The following EGFLAM variants were observed in gnomAD, a reference collection of about 807,000 sequenced individuals.
EGFLAM encodes the protein pikachurin.
In EGFLAM, 79 loss-of-function variants were observed where a neutral mutation model predicts 113.1. That is an observed-to-expected ratio of 0.70 (90% confidence interval 0.58 to 0.84). The LOEUF (loss-of-function observed/expected upper bound fraction) is 0.84, where lower values mean the gene tolerates loss of function less well. Among genes scored for constraint, EGFLAM ranks in the 40% least tolerant of loss-of-function variants. EGFLAM has a pLI of 0.00. For missense variants in EGFLAM, 1,265 were observed against 1,291.6 expected, an observed-to-expected ratio of 0.98 and a Z score of 0.32; for synonymous variants, 504 against 487.6, an observed-to-expected ratio of 1.03 and a Z score of -0.44.
rs1455881402 is a variant in EGFLAM at position 38,406,850 on chromosome 5, A to C, written c.851A>C (p.Lys284Thr). The change falls in exon 8 of 22, where the codon AAA becomes ACA. Residue 284 changes from lysine (K) to threonine (T), a missense_variant. By Grantham distance (78) the Lys-to-Thr change is moderately conservative. Transcript: ENST00000322350. ...FEEVKPLPAT[K>T]GGNKKFLVES... ...TAGGTTAAACCACTTCCTGCTACCA[A>C]AGGAGGGAATAAGAAATTTTTGGTG... The C allele has an allele frequency of 1.2e-6, 2 of 1,613,990 alleles. No individual in the cohort carries two copies. Among genetic ancestry groups the C allele is most frequent in the Non-Finnish European group, 1.7e-6 (2 of 1,179,888 alleles).
intron 6 of EGFLAM, among the ~76,000 whole-genome samples, chr5:38,375,955 C>T (rs1304242596): frequency 1.3e-5 from 2 of 152,182 alleles, no homozygotes; most frequent in Non-Finnish European, 2.9e-5. Context: ...CTGTCTTCTC[C>T]TGGGAGGCGT....
intron 1 of EGFLAM, among the ~76,000 whole-genome samples, chr5:38,336,978 T>TATAA (rs1305971822): frequency 3.9e-5 from 6 of 152,242 alleles, no homozygotes; most frequent in African/African-American, 1.4e-4. Flanking sequence ...ATTTGATGAT[T>TATAA]ATAAATCTTA....
chr5:38,358,442 G>A (rs376550867), intron 5 of EGFLAM, among the ~76,000 whole-genome samples: 1,406 of 64,322 alleles, frequency 0.022, 25 homozygotes, highest in African/African-American at 0.076. Flanking sequence ...GCAAGACTCC[G>A]TCTCAAAAAA....
chr5:38,302,598 C>T (rs1212769249), intron 1 of EGFLAM, among the ~76,000 whole-genome samples: 2 of 151,760 alleles, frequency 1.3e-5, no homozygotes, highest in African/African-American at 2.4e-5. Flanking sequence ...ACTTTATCTC[C>T]ATTTCTTGGG....
At chr5:38,459,421 T>G (rs1743200399) in intron 20 of EGFLAM, among the ~76,000 whole-genome samples, 1 of 152,184 alleles carries the variant, frequency 6.6e-6, no homozygotes, top group African/African-American at 2.4e-5. Flanking sequence ...CTGATTAACT[T>G]TGGATGAATC....
intron 6 of EGFLAM, chr5:38,403,580 A>C (rs902149722): frequency 9.6e-6 from 4 of 415,100 alleles, no homozygotes; most frequent in Non-Finnish European, 1.7e-5. Context: ...CAGGGAGCAT[A>C]TGGAGCACGG....
chr5:38,290,346 A>G (rs1758290717), intron 1 of EGFLAM, among the ~76,000 whole-genome samples: 1 of 152,176 alleles, frequency 6.6e-6, no homozygotes, highest in South Asian at 2.1e-4. Flanking sequence ...CTGCCCTGCC[A>G]CAGTAGCCAA....
chr5:38,259,964 G>A (rs932216051), intron 1 of EGFLAM, among the ~76,000 whole-genome samples: 3 of 152,100 alleles, frequency 2.0e-5, no homozygotes, highest in African/African-American at 7.2e-5. Context: ...GTTGCATTTC[G>A]GCTCTGGAAG....
intron 6 of EGFLAM, among the ~76,000 whole-genome samples, chr5:38,382,175 G>C (rs568384072): frequency 6.6e-6 from 1 of 152,118 alleles, no homozygotes; most frequent in Non-Finnish European, 1.5e-5. Context: ...TCTAAACTCA[G>C]CATCTAGGTA....
At chr5:38,373,318 C>T (rs780936357) in intron 6 of EGFLAM, among the ~76,000 whole-genome samples, 3 of 152,140 alleles carry the variant, frequency 2.0e-5, no homozygotes, top group South Asian at 2.1e-4. Context: ...AGCTGCTTCC[C>T]TGAGTGAGAT....
At chr5:38,462,030 A>C (rs567832249) in intron 20 of EGFLAM, among the ~76,000 whole-genome samples, 2 of 152,058 alleles carry the variant, frequency 1.3e-5, no homozygotes, top group South Asian at 2.1e-4. Flanking sequence ...TAGCCGGGCG[A>C]GGTGGCGGGC....
At chr5:38,336,931 T>C (rs953215331) in intron 1 of EGFLAM, among the ~76,000 whole-genome samples, 4 of 152,194 alleles carry the variant, frequency 2.6e-5, no homozygotes, top group African/African-American at 9.7e-5. Flanking sequence ...AGAGATAATT[T>C]TTTATGTTTT....
At position 38,451,948 on chromosome 5, in the gene EGFLAM, C is replaced by T. The variant is rs532116227; in HGVS notation, c.2687+490C>T. 1.0e-4 allele frequency among the ~76,000 whole-genome samples: 15 copies of T among 144,072 alleles called. No individual in the cohort carries two copies. In the South Asian group the frequency reaches 1.4e-3, roughly 13 times the overall value. The allele number at this position is 144,072 out of a possible 152,430, so 94.5% of individuals were successfully genotyped here. On this transcript the variant is annotated intron_variant, in intron 19 of 21. Coordinates refer to ENST00000322350, the MANE Select transcript of EGFLAM (RefSeq NM_152403.4). ...CAGATGTTGCAGTGAGCTGAGATCGCGCTACTGCACTCCAGCCTGGGTGAC... is the reference window on the plus strand; with the variant it reads ...CAGATGTTGCAGTGAGCTGAGATCGTGCTACTGCACTCCAGCCTGGGTGAC...
rs570864015 is a variant in EGFLAM at position 38,342,678 on chromosome 5, G to A, written c.291+3897G>A. ...AAACAGAATAGTAAAACAAATCAGG[G>A]CAATTTGGTAAATTTTTTAGAGTTA... On this transcript the variant is annotated intron_variant, in intron 3 of 21. Transcript: ENST00000322350. Among the ~76,000 whole-genome samples, 5 of 152,182 alleles carry A rather than the reference G, an allele frequency of 3.3e-5. No homozygotes were observed. In the East Asian group the frequency reaches 9.6e-4, roughly 29 times the overall value.
chr5:38,454,120 G>T (rs1334250458), intron 19 of EGFLAM, among the ~76,000 whole-genome samples: 1 of 152,128 alleles, frequency 6.6e-6, no homozygotes, highest in Non-Finnish European at 1.5e-5. Context: ...CTGCCACTCT[G>T]TTCTTCCTCC....
chr5:38,364,589 G>A (rs1038912336), intron 5 of EGFLAM, among the ~76,000 whole-genome samples: 1 of 152,140 alleles, frequency 6.6e-6, no homozygotes, highest in African/African-American at 2.4e-5. Context: ...AGGGAATAGG[G>A]AGCTATGGAA....
chr5:38,457,111 G>C (rs954452909), intron 19 of EGFLAM, among the ~76,000 whole-genome samples: 5 of 152,202 alleles, frequency 3.3e-5, no homozygotes, highest in Non-Finnish European at 5.9e-5. Flanking sequence ...AAACCTGATA[G>C]CAGAGTTAAA....
intron 1 of EGFLAM, among the ~76,000 whole-genome samples, chr5:38,277,479 C>CT (rs36007975): frequency 0.29 from 43,582 of 148,660 alleles, 6,436 homozygotes; most frequent in Middle Eastern, 0.34. Flanking sequence ...AAGTTGAAAG[C>CT]TTTTTTTCTA....
At chr5:38,320,763 A>G (rs1406277096) in intron 1 of EGFLAM, among the ~76,000 whole-genome samples, 1 of 152,116 alleles carries the variant, frequency 6.6e-6, no homozygotes, top group East Asian at 1.9e-4. Flanking sequence ...TAAAGGAGAC[A>G]GGGCTCTGGA....
Sources: gnomAD v4.1 joint callset for allele counts (sites outside exome capture counted in the v4.1 genomes callset) on GRCh38, gnomAD v4.1.1 for gene constraint, MANE v1.5 for transcripts, NCBI Gene and HGNC (gene_info 2026-07-23, HGNC 2026-07-21) for gene names.